The following PDLIM2 variants were observed in gnomAD, a reference collection of about 807,000 sequenced individuals.
The protein encoded by PDLIM2 is PDZ and LIM domain 2, also known as PDZ and LIM domain protein 2.
PDLIM2 carries 51 observed loss-of-function variants against 54.1 expected under a neutral mutation model. The ratio of observed to expected loss-of-function variants is 0.94; its 90% CI spans 0.75 to 1.19. PDLIM2 has a LOEUF of 1.19. Ranked by LOEUF, PDLIM2 falls within the 50% of genes most tolerant of loss-of-function variation. The pLI, the probability that PDLIM2 is intolerant of heterozygous loss-of-function variation, is 0.00. For synonymous variants in PDLIM2, 398 were observed against 385.6 expected (o/e 1.03, Z -0.38); for missense variants, 912 against 874.0 (o/e 1.04, Z -0.55).
chr8:22,580,879 G>T, intron 2 of PDLIM2, 182 bp downstream of exon 1: 1 of 756,656 alleles, frequency 1.3e-6, no homozygotes, highest in Non-Finnish European at 2.4e-6. Flanking sequence ...GCCACTTCAG[G>T]AACAGACCTT....
In PDLIM2 at chr8:22,591,678, GA is replaced by G; in HGVS notation, c.1631+11del. ...GCAGTACCAGCATCGCGTGAGTGTG[GA>G]GGGGGGTGGGGGACCTGAGCCTTCA... On this transcript the variant is annotated intron_variant, in intron 9 of 9. Coordinates refer to ENST00000308354, the Ensembl canonical transcript of PDLIM2. The G allele has an allele frequency of 6.2e-7, 1 of 1,602,198 alleles. No individual in the cohort carries two copies. The highest frequency in any genetic ancestry group is 8.5e-7 in the Non-Finnish European group (1 of 1,173,172).
chr8:22,587,890 C>T (rs1800424724), intron 6 of PDLIM2: 1 of 152,302 alleles, frequency 6.6e-6, no homozygotes, highest in South Asian at 2.1e-4. Flanking sequence ...TTACAGGTTC[C>T]CCCTGCTGGT....
At chr8:22,579,577 G>A (rs1266134942) in intron 1 of PDLIM2, 6 of 1,425,124 alleles carry the variant, frequency 4.2e-6, no homozygotes, top group Non-Finnish European at 5.5e-6. Flanking sequence ...ACTGGGGTGG[G>A]GGCGGTGCTG....
chr8:22,595,106 C>T (rs1380087194), downstream of PDLIM2: 1 of 156,578 alleles, frequency 6.4e-6, no homozygotes, highest in Non-Finnish European at 1.4e-5. Context: ...AGCCTCAGCT[C>T]TCTTTTCAGA....
chr8:22,579,869 T>G, intron 1 of PDLIM2: 2 of 250,074 alleles, frequency 8.0e-6, no homozygotes, highest in Non-Finnish European at 1.5e-5. Flanking sequence ...CCCGGCTGTC[T>G]GTCGGGCAGC....
intron 5 of PDLIM2, 71 bp from the exon 5 acceptor site, chr8:22,585,250 G>T (rs1199539569): frequency 6.2e-7 from 1 of 1,601,156 alleles, no homozygotes; most frequent in Admixed American, 1.7e-5. Flanking sequence ...CTGCTTGGGA[G>T]CCCGGGGCAG....
downstream of PDLIM2, chr8:22,595,110 T>C (rs557546505): frequency 1.0e-4 from 16 of 155,970 alleles, no homozygotes; most frequent in South Asian, 3.1e-3. Flanking sequence ...TCAGCTCTCT[T>C]TTCAGAGAAG....
chr8:22,579,022 G>A lies in PDLIM2; in HGVS notation c.243G>A (p.Trp81Ter). 2 of 1,242,770 alleles carry A rather than the reference G, an allele frequency of 1.6e-6. No individual in the cohort carries two copies. The highest frequency in any genetic ancestry group is 2.0e-6 in the Non-Finnish European group (2 of 995,424). The allele number at this position is 1,242,770 out of a possible 1,614,324, so 77.0% of individuals were successfully genotyped here. Residue 81 changes from tryptophan (W) to a stop codon, truncating the protein, a stop_gained, in exon 1 of 10, where the codon TGG becomes TGA. Transcript: ENST00000308354. LOFTEE classifies it high-confidence loss of function. ...GGCTCGGGCCAGGTGGCAGCGCCTG[G>A]GCTCGCCGCGCGGAGGCGGCGGCTT...
chr8:22,578,838 C>T, exon 1 of PDLIM2: 1 of 1,234,400 alleles, frequency 8.1e-7, no homozygotes, highest in African/African-American at 1.5e-5. Context: ...CCCCCTCGAT[C>T]GTCTGCGAAG....
At chr8:22,597,253 C>T (rs1456486820), downstream of PDLIM2, 2 of 152,284 alleles carry the variant, frequency 1.3e-5, no homozygotes, top group East Asian at 1.9e-4. Context: ...CATGGACGGG[C>T]TGCCCCTCCC....
rs764642235 is a variant in PDLIM2, at chr8:22,581,363, C to G, written c.844-16C>G. 1 of 1,587,558 alleles carries G rather than the reference C, an allele frequency of 6.3e-7. No individual in the cohort carries two copies. The highest frequency in any genetic ancestry group is 2.3e-5 in the East Asian group (1 of 43,432). On this transcript the variant is annotated splice_polypyrimidine_tract_variant and intron_variant, in intron 2 of 9. Coordinates refer to ENST00000308354, the Ensembl canonical transcript of PDLIM2. ...CTGGGCCACGGTCTGAGCATGCCAG[C>G]TCCTCATCCCTACAGGTGGCCGAGC... is the stretch of plus-strand genomic sequence containing the variant.
chr8:22,579,681 G>A, intron 1 of PDLIM2: 2 of 950,668 alleles, frequency 2.1e-6, no homozygotes, highest in Non-Finnish European at 1.4e-6. Context: ...CAGCACTTGC[G>A]TCCCCAGGGC....
At chr8:22,593,704 C>G in intron 9 of PDLIM2, 29 bp from the exon 9 acceptor site, 1 of 1,546,020 alleles carries the variant, frequency 6.5e-7, no homozygotes, top group East Asian at 2.4e-5. Context: ...TGCTGTGGCT[C>G]TGAGCTAAAG....
At chr8:22,589,115 CTGG>C in intron 6 of PDLIM2, 180 bp from the exon 6 acceptor site, 1 of 514,728 alleles carries the variant, frequency 1.9e-6, no homozygotes, top group Non-Finnish European at 3.6e-6. Flanking sequence ...AGGGGGCCCG[CTGG>C]TCGGCGAGGG....
At chr8:22,593,447 C>A in intron 9 of PDLIM2, 1 of 382,776 alleles carries the variant, frequency 2.6e-6, no homozygotes, top group Non-Finnish European at 4.7e-6. Flanking sequence ...TGTGGTCGCA[C>A]ATGCTTGTAA....
intron 3 of PDLIM2, among the ~76,000 whole-genome samples, chr8:22,584,032 C>A (rs1019496653): frequency 2.0e-5 from 3 of 151,816 alleles, no homozygotes; most frequent in African/African-American, 7.3e-5. Flanking sequence ...GATGGAGTCT[C>A]ACTCTGTCGC....
At chr8:22,592,601 T>C (rs1442580839) in intron 9 of PDLIM2, 3 of 152,230 alleles carry the variant, frequency 2.0e-5, no homozygotes, top group Non-Finnish European at 2.9e-5. Flanking sequence ...AGGGAATGTG[T>C]GTTGAAAAAG....
intron 7 of PDLIM2, 83 bp from the exon 7 acceptor site, chr8:22,589,512 CA>C: frequency 6.7e-7 from 1 of 1,498,562 alleles, no homozygotes; most frequent in African/African-American, 1.4e-5. Flanking sequence ...CCCCCTCCCC[CA>C]CGCTCTTCTC....
exon 6 of PDLIM2, chr8:22,585,379 G>A: frequency 1.2e-6 from 2 of 1,611,516 alleles, no homozygotes; most frequent in Non-Finnish European, 1.7e-6. Context: ...GTCCTACTCA[G>A]GCCGCCCTGG....
Sources: allele counts gnomAD v4.1 joint callset (sites outside exome capture counted in the v4.1 genomes callset), GRCh38; gene constraint gnomAD v4.1.1; transcripts MANE v1.5; gene names NCBI Gene and HGNC (gene_info 2026-07-23, HGNC 2026-07-21).